The following CSNK1G3 variants were observed in gnomAD, a reference collection of about 807,000 sequenced individuals.
CSNK1G3 encodes casein kinase I isoform gamma-3.
Under a neutral mutation model 64.3 loss-of-function variants are expected in CSNK1G3, and 23 were observed. That is an observed-to-expected ratio of 0.36 (90% confidence interval 0.26 to 0.51). CSNK1G3 has a LOEUF of 0.51. Among genes scored for constraint, CSNK1G3 ranks in the 20% least tolerant of loss-of-function variants. The probability of loss-of-function intolerance (pLI) is 0.96; values close to 1 mark genes in which losing one functional copy is unlikely to be tolerated. For synonymous variants in CSNK1G3, 158 were observed against 162.2 expected, an observed-to-expected ratio of 0.97 and a Z score of 0.20; for missense variants, 357 against 510.5, an observed-to-expected ratio of 0.70 and a Z score of 2.90.
intron 10 of CSNK1G3, among the ~76,000 whole-genome samples, chr5:123,593,562 A>G (rs981270320): frequency 6.6e-6 from 1 of 151,984 alleles, no homozygotes; most frequent in African/African-American, 2.4e-5. Flanking sequence ...CCATGACCCC[A>G]AAATATTGCG....
At chr5:123,579,290 T>C (rs988814131) in intron 6 of CSNK1G3, among the ~76,000 whole-genome samples, 1 of 29,872 alleles carries the variant, frequency 3.3e-5, no homozygotes, top group Non-Finnish European at 6.0e-5. Context: ...GTAAATTTGC[T>C]GTTTTTTTTT....
rs534205960 is a variant in CSNK1G3 at position 123,591,308 on chromosome 5, T to C, written c.991-11T>C. The stretch of plus-strand genomic sequence containing the variant: ...TGGAATGTATTGATACCAATTGTTA[T>C]TGTATTGTAGCCTACTCCAGTGGGT... On this transcript the variant is annotated splice_polypyrimidine_tract_variant and intron_variant, in intron 9 of 12. Transcript: ENST00000345990. 88 of 1,540,192 alleles carry C rather than the reference T, an allele frequency of 5.7e-5. No individual in the cohort carries two copies. The Admixed American group carries it at 1.1e-3, about 19-fold the overall frequency.
At chr5:123,603,065 G>C (rs73799342) in intron 10 of CSNK1G3, among the ~76,000 whole-genome samples, 2,318 of 152,176 alleles carry the variant, frequency 0.015, 68 homozygotes, top group African/African-American at 0.053. Flanking sequence ...TCTTACTCCA[G>C]AATGATCAGC....
intron 10 of CSNK1G3, among the ~76,000 whole-genome samples, chr5:123,595,895 G>T (rs1303436509): frequency 6.6e-6 from 1 of 151,954 alleles, no homozygotes. Flanking sequence ...TCGGTTTAAG[G>T]TAATCTAAAA....
At chr5:123,578,323 T>TTAG (rs1391518458) in intron 6 of CSNK1G3, among the ~76,000 whole-genome samples, 1 of 151,866 alleles carries the variant, frequency 6.6e-6, no homozygotes, top group Admixed American at 6.6e-5. Context: ...TTGACAACAT[T>TTAG]TAGAGTTGTC....
In CSNK1G3 at chr5:123,600,557, G is replaced by A. The variant is rs535566968; in HGVS notation, c.1087-4167G>A. Among the ~76,000 whole-genome samples the A allele has an allele frequency of 9.9e-5, 15 of 151,740 alleles. 1 individual carries two copies. The South Asian group carries it at 2.9e-3, about 30-fold the overall frequency. On this transcript the variant is annotated intron_variant, in intron 10 of 12. Transcript: ENST00000345990. ...GGAGAATCGCTTGAACCCGGGAGGTGGAGGTTGCAATGAGCCAAGATCATG... is the reference window on the plus strand; with the variant it reads ...GGAGAATCGCTTGAACCCGGGAGGTAGAGGTTGCAATGAGCCAAGATCATG...
intron 1 of CSNK1G3, among the ~76,000 whole-genome samples, chr5:123,529,553 A>G (rs1381460025): frequency 3.3e-5 from 5 of 152,198 alleles, no homozygotes; most frequent in African/African-American, 7.2e-5. Context: ...TGTCTGGTGC[A>G]TGGTAAGTAC....
intron 1 of CSNK1G3, among the ~76,000 whole-genome samples, chr5:123,540,817 A>G (rs184844007): frequency 6.6e-6 from 1 of 152,006 alleles, no homozygotes; most frequent in Admixed American, 6.6e-5. Flanking sequence ...ATTTTTAACC[A>G]TGTTTAACCA....
At chr5:123,584,129 A>G (rs1382509402) in intron 6 of CSNK1G3, among the ~76,000 whole-genome samples, 1 of 152,116 alleles carries the variant, frequency 6.6e-6, no homozygotes, top group Non-Finnish European at 1.5e-5. Context: ...CAATAGTTTT[A>G]TTTCTTCATT....
chr5:123,553,703 G>T lies in CSNK1G3; in HGVS notation c.219+556G>T, dbSNP rs962037890. Among the ~76,000 whole-genome samples the T allele has an allele frequency of 3.9e-5, 6 of 152,216 alleles. No homozygotes were observed. In the South Asian group the frequency reaches 1.0e-3, roughly 26 times the overall value. On this transcript the variant is annotated intron_variant, in intron 3 of 12. Transcript: ENST00000345990. ...TATTCTGAAGTTTTCAATGTGCCCAGTATGACAGCTGCAGAGCAGAGCGAT... is the reference window on the plus strand; with the variant it reads ...TATTCTGAAGTTTTCAATGTGCCCATTATGACAGCTGCAGAGCAGAGCGAT...
chr5:123,569,410 C>CA (rs1166844845), intron 4 of CSNK1G3, among the ~76,000 whole-genome samples: 1 of 151,992 alleles, frequency 6.6e-6, no homozygotes, highest in Non-Finnish European at 1.5e-5. Context: ...GAAATCATAC[C>CA]AAAAAACTTT....
chr5:123,572,580 G>A (rs1385183663), intron 4 of CSNK1G3, among the ~76,000 whole-genome samples: 1 of 152,090 alleles, frequency 6.6e-6, no homozygotes, highest in African/African-American at 2.4e-5. Context: ...AATCTTACAT[G>A]AGCCTCAGTG....
At chr5:123,608,209 T>G (rs1281962574) in intron 12 of CSNK1G3, among the ~76,000 whole-genome samples, 2 of 152,154 alleles carry the variant, frequency 1.3e-5, no homozygotes, top group Non-Finnish European at 2.9e-5. Flanking sequence ...TTCTTACCTA[T>G]AATTAGCAGA....
chr5:123,596,786 G>T (rs1433485382), intron 10 of CSNK1G3, among the ~76,000 whole-genome samples: 1 of 151,994 alleles, frequency 6.6e-6, no homozygotes, highest in East Asian at 1.9e-4. Flanking sequence ...AAATACATAG[G>T]TAAAACAAAG....
exon 13 of CSNK1G3, chr5:123,616,455 G>C (rs898486563): frequency 3.9e-5 from 6 of 152,442 alleles, no homozygotes; most frequent in Non-Finnish European, 8.8e-5. Context: ...ATCCAATTAT[G>C]GACTTAAAAT....
chr5:123,604,637 T>A, intron 10 of CSNK1G3, 87 bp from the exon 12 acceptor site: 1 of 625,616 alleles, frequency 1.6e-6, no homozygotes, highest in Non-Finnish European at 2.7e-6. Flanking sequence ...ATTATGTTTA[T>A]CCTTGTATAA....
At chr5:123,549,379 C>T (rs752044580) in intron 2 of CSNK1G3, among the ~76,000 whole-genome samples, 7 of 152,134 alleles carry the variant, frequency 4.6e-5, no homozygotes, top group Non-Finnish European at 7.4e-5. Context: ...CAGAGGTTAG[C>T]CAATTCTTAG....
intron 6 of CSNK1G3, among the ~76,000 whole-genome samples, chr5:123,578,345 T>C (rs373410567): frequency 5.3e-5 from 8 of 151,906 alleles, no homozygotes; most frequent in African/African-American, 1.4e-4. Flanking sequence ...GTCTTTTTCA[T>C]TGTAGCTATT....
At chr5:123,598,204 C>T (rs142124093) in intron 10 of CSNK1G3, among the ~76,000 whole-genome samples, 3,255 of 152,224 alleles carry the variant, frequency 0.021, 42 homozygotes, top group Non-Finnish European at 0.03. Flanking sequence ...GTGCCCCTCT[C>T]GGTTCCCTCT....
Sources: gnomAD v4.1 joint callset for allele counts (sites outside exome capture counted in the v4.1 genomes callset) on GRCh38, gnomAD v4.1.1 for gene constraint, MANE v1.5 for transcripts, NCBI Gene and HGNC (gene_info 2026-07-23, HGNC 2026-07-21) for gene names.